Variants in SEMA6A observed in about 807,000 individuals in gnomAD.
SEMA6A encodes the protein semaphorin-6A.
In SEMA6A, 25 loss-of-function variants were observed where a neutral mutation model predicts 96.8. The observed-to-expected ratio is 0.26, with a 90% CI of 0.19 to 0.36. The LOEUF is 0.36. SEMA6A is among the 10% of genes least tolerant of loss of function. The probability of loss-of-function intolerance (pLI) is 1.00; values close to 1 mark genes in which losing one functional copy is unlikely to be tolerated. For missense variants in SEMA6A, 1,363 were observed against 1,323.1 expected (o/e 1.03, Z -0.47); for synonymous variants, 612 against 518.0 (o/e 1.18, Z -2.46).
At chr5:116,523,833 C>G (rs555781081) in intron 1 of SEMA6A, among the ~76,000 whole-genome samples, 2 of 152,242 alleles carry the variant, frequency 1.3e-5, no homozygotes, top group African/African-American at 4.8e-5. Flanking sequence ...AGACAAATAT[C>G]GGAGCCGCTG....
chr5:116,480,005 G>A (rs775615941), intron 12 of SEMA6A, 117 bp downstream of exon 12: 53 of 1,208,534 alleles, frequency 4.4e-5, no homozygotes, highest in Non-Finnish European at 5.9e-5. Flanking sequence ...ACAGCTGAAT[G>A]AATGCCCAGG....
rs188314504 is a variant in SEMA6A, at chr5:116,523,687, G to A, written c.-38-18705C>T. Among the ~76,000 whole-genome samples the A allele has an allele frequency of 2.4e-4, 37 of 152,190 alleles. No homozygotes were observed. In the East Asian group the frequency reaches 7.1e-3, roughly 29 times the overall value. The stretch of plus-strand genomic sequence containing the variant: ...AGACCAGTGCTTTCCAAACTTGCCT[G>A]CACATTGGAATCACCTAGAGAGCTT... On this transcript the variant is annotated intron_variant, in intron 1 of 18. Transcript: ENST00000343348.
At chr5:116,516,935 T>G (rs146750006) in intron 1 of SEMA6A, among the ~76,000 whole-genome samples, 241 of 152,274 alleles carry the variant, frequency 1.6e-3, no homozygotes, top group African/African-American at 5.6e-3. Context: ...ATTTTGGTGT[T>G]CATTGTTTTT....
rs565216473 is a variant in SEMA6A, at chr5:116,475,620, GGAAA to G, written c.1650-21_1650-18del. ...AAAGTCAGTCTTTTAAAAAAGGAAG[GGAAA>G]GAGAGACAGAAATGAATACAATAAC... On this transcript the variant is annotated intron_variant, in intron 15 of 18. Coordinates refer to ENST00000343348, the MANE Select transcript of SEMA6A (RefSeq NM_020796.5). 1.7e-3 allele frequency: 2,622 copies of G among 1,577,878 alleles called. 11 individuals carry two copies. Among genetic ancestry groups the G allele is most frequent in the Non-Finnish European group, 2.0e-3 (2,352 of 1,158,036 alleles).
chr5:116,472,699 CATCA>C, intron 17 of SEMA6A: 1 of 509,150 alleles, frequency 2.0e-6, no homozygotes, highest in East Asian at 3.3e-5. Context: ...CAGTCTCCCA[CATCA>C]ATTGTCTCAC....
chr5:116,455,451 A>C (rs1353644390), intron 18 of SEMA6A, among the ~76,000 whole-genome samples: 2 of 152,156 alleles, frequency 1.3e-5, no homozygotes, highest in Non-Finnish European at 2.9e-5. Context: ...AGCTTTCTTA[A>C]ATAAGACGAG....
chr5:116,488,300 A>G, intron 8 of SEMA6A, 104 bp from the exon 9 acceptor site: 1 of 748,202 alleles, frequency 1.3e-6, no homozygotes. Context: ...GTGTAGCACC[A>G]TTAGACATTT....
chr5:116,447,878 A>G (rs1754352612), intron 18 of SEMA6A, 67 bp from the exon 19 acceptor site: 1 of 1,308,148 alleles, frequency 7.6e-7, no homozygotes, highest in Admixed American at 2.7e-5. Flanking sequence ...TTTGCTTGGC[A>G]TTCACCTTGT....
chr5:116,544,462 T>G (rs1034823115), intron 1 of SEMA6A, among the ~76,000 whole-genome samples: 45 of 151,478 alleles, frequency 3.0e-4, no homozygotes, highest in African/African-American at 1.1e-3. Flanking sequence ...AGCGAAATTT[T>G]TGAATATTTT....
intron 1 of SEMA6A, among the ~76,000 whole-genome samples, chr5:116,508,557 A>T (rs909234104): frequency 2.6e-5 from 4 of 152,238 alleles, no homozygotes; most frequent in African/African-American, 9.6e-5. Flanking sequence ...CCTGCCCTGG[A>T]AAATTCTACG....
intron 7 of SEMA6A, among the ~76,000 whole-genome samples, chr5:116,489,415 T>A (rs1757226138): frequency 6.6e-6 from 1 of 152,110 alleles, no homozygotes; most frequent in Admixed American, 6.5e-5. Context: ...ATGCTGATTG[T>A]GTCCCCAGAA....
chr5:116,544,948 C>A (rs1217777978), intron 1 of SEMA6A, among the ~76,000 whole-genome samples: 1 of 152,182 alleles, frequency 6.6e-6, no homozygotes, highest in Non-Finnish European at 1.5e-5. Context: ...TTTCAGTAAA[C>A]AACTTTCCTT....
chr5:116,520,810 G>A (rs1758910094), intron 1 of SEMA6A, among the ~76,000 whole-genome samples: 1 of 152,114 alleles, frequency 6.6e-6, no homozygotes, highest in Admixed American at 6.5e-5. Context: ...TCCCCATGGA[G>A]AACCTGACTG....
chr5:116,529,195 T>A (rs1759357489), intron 1 of SEMA6A, among the ~76,000 whole-genome samples: 1 of 152,164 alleles, frequency 6.6e-6, no homozygotes, highest in South Asian at 2.1e-4. Flanking sequence ...TTTTAGTATT[T>A]TGAGACACAG....
At chr5:116,573,904 C>T (rs1404999013) in intron 1 of SEMA6A, among the ~76,000 whole-genome samples, 1 of 152,052 alleles carries the variant, frequency 6.6e-6, no homozygotes, top group Non-Finnish European at 1.5e-5. Flanking sequence ...GCCATACGCG[C>T]CGTCGCGGCC....
At chr5:116,448,755 C>CAA (rs3984966) in intron 18 of SEMA6A, among the ~76,000 whole-genome samples, 4,209 of 106,340 alleles carry the variant, frequency 0.04, 187 homozygotes, top group African/African-American at 0.075. Flanking sequence ...CATCACCTCT[C>CAA]AAAAAAAAAA....
chr5:116,483,802 G>A (rs956483682), intron 10 of SEMA6A, among the ~76,000 whole-genome samples: 2 of 152,048 alleles, frequency 1.3e-5, no homozygotes, highest in Non-Finnish European at 2.9e-5. Flanking sequence ...AGTGGCTCAC[G>A]CCTATAATCC....
Position 116,447,690 on chromosome 5 carries a change from G to A in SEMA6A, c.2016C>T (p.Cys672=), listed in dbSNP as rs372279326. Residue 672 remains cysteine (C), a synonymous_variant, in exon 19 of 19, where the codon TGC becomes TGT. Coordinates refer to ENST00000343348, the MANE Select transcript of SEMA6A (RefSeq NM_020796.5). ...CGTCTTTGCGCCGATGATCACAGACGCAGTAGACGGTGATGCCCGAGAAGA... is the reference window on the plus strand; with the variant it reads ...CGTCTTTGCGCCGATGATCACAGACACAGTAGACGGTGATGCCCGAGAAGA... ...GAVFSGITVY[C]VCDHRRKDVA... 112 of 1,613,902 alleles carry A rather than the reference G, an allele frequency of 6.9e-5. No individual in the cohort carries two copies. Among genetic ancestry groups the A allele is most frequent in the Middle Eastern group, 3.3e-4 (2 of 6,084 alleles).
chr5:116,447,664 A>G lies in SEMA6A; in HGVS notation c.2042T>C (p.Val681Ala). Residue 681 changes from valine (V) to alanine (A), a missense_variant, in exon 19 of 19, where the codon GTG becomes GCG. Val to Ala is a moderately conservative substitution (Grantham distance 64). Transcript: ENST00000343348. ...YCVCDHRRKD[V>A]AVVQRKEKEL... ...CTTCTCCTTGCGCTGCACCACAGCC[A>G]CGTCTTTGCGCCGATGATCACAGAC... 1 of 1,614,012 alleles carries G rather than the reference A, an allele frequency of 6.2e-7. No individual in the cohort carries two copies.
Sources: gnomAD v4.1 joint callset for allele counts (sites outside exome capture counted in the v4.1 genomes callset) on GRCh38, gnomAD v4.1.1 for gene constraint, MANE v1.5 for transcripts, NCBI Gene and HGNC (gene_info 2026-07-23, HGNC 2026-07-21) for gene names.